Variants in GUCA1C observed in about 807,000 individuals in gnomAD.
GUCA1C encodes guanylyl cyclase-activating protein 3.
Under a neutral mutation model 16.2 loss-of-function variants are expected in GUCA1C, and 15 were observed. That is an observed-to-expected ratio of 0.93 (90% CI 0.62 to 1.43). The LOEUF (loss-of-function observed/expected upper bound fraction) is 1.43, where lower values mean the gene tolerates loss of function less well. Among genes scored for constraint, GUCA1C ranks in the 40% most tolerant of loss-of-function variants. The pLI, the probability that GUCA1C is intolerant of heterozygous loss-of-function variation, is 0.00. For missense variants in GUCA1C, 275 were observed against 244.8 expected (o/e 1.12, Z -0.82); for synonymous variants, 78 against 85.4 (o/e 0.91, Z 0.48).
intron 1 of GUCA1C, among the ~76,000 whole-genome samples, chr3:108,947,045 ATAAG>A (rs1946850791): frequency 6.6e-6 from 1 of 152,176 alleles, no homozygotes; most frequent in Non-Finnish European, 1.5e-5. Flanking sequence ...CAAAGAAATG[ATAAG>A]TATGTGAGAT....
intron 2 of GUCA1C, among the ~76,000 whole-genome samples, chr3:108,917,153 TTACA>T (rs1307016054): frequency 6.6e-6 from 1 of 152,228 alleles, no homozygotes; most frequent in Admixed American, 6.5e-5. Flanking sequence ...AAAGTAATAG[TTACA>T]TACATACAGC....
At chr3:108,931,264 T>C (rs1946663653) in intron 1 of GUCA1C, among the ~76,000 whole-genome samples, 1 of 152,268 alleles carries the variant, frequency 6.6e-6, no homozygotes, top group Non-Finnish European at 1.5e-5. Flanking sequence ...AAAGGCTAAA[T>C]AGAGCAATGT....
At chr3:108,948,991 G>A (rs529902654) in intron 1 of GUCA1C, among the ~76,000 whole-genome samples, 1 of 152,094 alleles carries the variant, frequency 6.6e-6, no homozygotes, top group East Asian at 1.9e-4. Flanking sequence ...GGGATTACAG[G>A]TGCCCACCAC....
At chr3:108,914,692 T>C (rs1409087399) in intron 3 of GUCA1C, among the ~76,000 whole-genome samples, 2 of 152,182 alleles carry the variant, frequency 1.3e-5, no homozygotes, top group African/African-American at 4.8e-5. Flanking sequence ...CTCCAATCCC[T>C]GCCATCCTGC....
rs374575303 is a variant in GUCA1C at position 108,926,573 on chromosome 3, C to T, written c.205-5988G>A. Among the ~76,000 whole-genome samples, 188 of 152,314 alleles carry T rather than the reference C, an allele frequency of 1.2e-3. 3 individuals carry two copies. In the South Asian group the frequency reaches 0.029, roughly 23 times the overall value. On this transcript the variant is annotated intron_variant, in intron 1 of 3. Transcript: ENST00000261047. ...TCAGCTTACTGAAAGCTCTGCCTCC[C>T]GGGTTCACACCATTCTCCTGCCTCG... is the stretch of plus-strand genomic sequence containing the variant.
intron 2 of GUCA1C, among the ~76,000 whole-genome samples, chr3:108,917,794 C>T (rs916615642): frequency 1.3e-5 from 2 of 152,122 alleles, no homozygotes; most frequent in Non-Finnish European, 2.9e-5. Flanking sequence ...ACCTTTGGTC[C>T]CAGCACTTTG....
At chr3:108,952,021 T>A (rs1946900497) in intron 1 of GUCA1C, among the ~76,000 whole-genome samples, 1 of 152,228 alleles carries the variant, frequency 6.6e-6, no homozygotes, top group South Asian at 2.1e-4. Context: ...GCATGGGATA[T>A]GACATCAACG....
At chr3:108,946,416 G>C (rs73200617) in intron 1 of GUCA1C, among the ~76,000 whole-genome samples, 7 of 152,052 alleles carry the variant, frequency 4.6e-5, no homozygotes, top group African/African-American at 1.7e-4. Context: ...GATTACAGGC[G>C]TGAGCCACCA....
intron 1 of GUCA1C, among the ~76,000 whole-genome samples, chr3:108,933,947 T>C (rs1031175544): frequency 2.0e-5 from 3 of 152,124 alleles, no homozygotes; most frequent in Non-Finnish European, 4.4e-5. Context: ...CCATCAATGA[T>C]AGATGGGATA....
At chr3:108,926,705 C>A (rs1946626700) in intron 1 of GUCA1C, among the ~76,000 whole-genome samples, 1 of 151,846 alleles carries the variant, frequency 6.6e-6, no homozygotes, top group African/African-American at 2.4e-5. Flanking sequence ...TGGTCTCGAT[C>A]TCCTGACCTC....
At chr3:108,929,403 C>G (rs1237983781) in intron 1 of GUCA1C, among the ~76,000 whole-genome samples, 8 of 152,030 alleles carry the variant, frequency 5.3e-5, no homozygotes, top group Admixed American at 4.6e-4. Flanking sequence ...TTTGCAAAGA[C>G]AGTTTTATTT....
chr3:108,954,671 C>T (rs1344901314), upstream of GUCA1C, among the ~76,000 whole-genome samples: 1 of 151,916 alleles, frequency 6.6e-6, no homozygotes, highest in Non-Finnish European at 1.5e-5. Flanking sequence ...TTGGTACCAA[C>T]CATACTTAGA....
At chr3:108,942,042 A>G (rs989201545) in intron 1 of GUCA1C, among the ~76,000 whole-genome samples, 3 of 152,320 alleles carry the variant, frequency 2.0e-5, no homozygotes, top group African/African-American at 7.2e-5. Flanking sequence ...CCTTTGTTAA[A>G]GGTGGAATAA....
Position 108,916,160 on chromosome 3 carries a change from A to G in GUCA1C, c.409T>C (p.Leu137=). Residue 137 remains leucine, a synonymous_variant, in exon 3 of 4, where the codon TTG becomes CTG. Transcript: ENST00000261047. ...QTLSPEEFIN[L]VFHKIDINND... ...TTTATATCGATCTTATGGAACACCAAGTTGATGAATTCTTCAGGACTCAGA... is the reference window on the plus strand; with the variant it reads ...TTTATATCGATCTTATGGAACACCAGGTTGATGAATTCTTCAGGACTCAGA... The G allele has an allele frequency of 6.2e-7, 1 of 1,613,348 alleles. No individual in the cohort carries two copies. Among genetic ancestry groups the G allele is most frequent in the Non-Finnish European group, 8.5e-7 (1 of 1,179,336 alleles).
chr3:108,909,472 A>G (rs976660824), intron 3 of GUCA1C, among the ~76,000 whole-genome samples: 4 of 152,158 alleles, frequency 2.6e-5, no homozygotes, highest in Non-Finnish European at 4.4e-5. Context: ...TCACAGAATA[A>G]CCGCCCTTTG....
chr3:108,943,271 G>A (rs983800865), intron 1 of GUCA1C, among the ~76,000 whole-genome samples: 3 of 152,110 alleles, frequency 2.0e-5, no homozygotes, highest in African/African-American at 7.2e-5. Flanking sequence ...AAGAATGGTT[G>A]GATGACAGAT....
intron 1 of GUCA1C, among the ~76,000 whole-genome samples, chr3:108,931,656 G>C (rs1946666968): frequency 6.6e-6 from 1 of 152,072 alleles, no homozygotes; most frequent in African/African-American, 2.4e-5. Flanking sequence ...GTGTTGGAGG[G>C]GGTTTAGGGT....
At chr3:108,908,645 A>T (rs946015930) in intron 3 of GUCA1C, among the ~76,000 whole-genome samples, 1 of 152,188 alleles carries the variant, frequency 6.6e-6, no homozygotes, top group Admixed American at 6.5e-5. Context: ...GGGACTGTCT[A>T]AAGCTGTGAG....
intron 1 of GUCA1C, among the ~76,000 whole-genome samples, chr3:108,927,103 A>T (rs1047568480): frequency 2.0e-5 from 3 of 152,112 alleles, no homozygotes; most frequent in Non-Finnish European, 4.4e-5. Flanking sequence ...ATCTGCTGTT[A>T]ATCTGATAGA....
Sources: gnomAD v4.1 joint callset for allele counts (sites outside exome capture counted in the v4.1 genomes callset) on GRCh38, gnomAD v4.1.1 for gene constraint, MANE v1.5 for transcripts, NCBI Gene and HGNC (gene_info 2026-07-23, HGNC 2026-07-21) for gene names.